Variants in ZNF534 observed in about 807,000 individuals in gnomAD.
The protein encoded by ZNF534 is KRAB domain only 3.
A neutral mutation model predicts 13.6 loss-of-function variants in ZNF534; 19 were observed. The ratio of observed to expected loss-of-function variants is 1.40; its 90% CI spans 0.97 to 2.05. The LOEUF is 2.05. Among genes scored for constraint, ZNF534 ranks in the 30% most tolerant of loss-of-function variants. ZNF534 has a pLI of 0.00. For synonymous variants in ZNF534, 244 were observed against 273.8 expected (o/e 0.89, Z 1.07); for missense variants, 782 against 796.3 (o/e 0.98, Z 0.22).
intron 4 of ZNF534, among the ~76,000 whole-genome samples, chr19:52,435,686 G>A (rs1049601934): frequency 6.6e-6 from 1 of 151,754 alleles, no homozygotes; most frequent in African/African-American, 2.4e-5. Flanking sequence ...TGTATTTTTA[G>A]TAGAGATGGA....
In ZNF534 at chr19:52,450,680, T is replaced by G. The variant is rs529559581; in HGVS notation, c.272-507T>G. Among the ~76,000 whole-genome samples the G allele has an allele frequency of 1.5e-3, 49 of 32,442 alleles. 1 individual carries two copies. Among genetic ancestry groups the G allele is most frequent in the South Asian group, 7.6e-3 (10 of 1,324 alleles). 21.3% of individuals were successfully genotyped at this position (32,442 alleles called of 152,430 possible). On this transcript the variant is annotated intron_variant, in intron 4 of 4. Coordinates refer to the ZNF534 transcript ENST00000301085. ...CTATGAATTTTAGGAGTTTTTTTTT[T>G]TTTTGTTTTTGTTTTTGTTTTTTTT... is the stretch of plus-strand genomic sequence containing the variant.
chr19:52,443,467 G>A (rs1412910244), downstream of ZNF534, among the ~76,000 whole-genome samples: 1 of 151,988 alleles, frequency 6.6e-6, no homozygotes, highest in Admixed American at 6.6e-5. Flanking sequence ...TTTTTTCTTT[G>A]TCTTTGTTGG....
At chr19:52,437,109 A>G (rs918653448) in intron 4 of ZNF534, among the ~76,000 whole-genome samples, 1 of 152,116 alleles carries the variant, frequency 6.6e-6, no homozygotes, top group African/African-American at 2.4e-5. Context: ...TGAAAGTACT[A>G]TTACAAATAT....
downstream of ZNF534, among the ~76,000 whole-genome samples, chr19:52,443,225 G>C (rs191507891): frequency 8.7e-4 from 133 of 152,270 alleles, 1 homozygote; most frequent in African/African-American, 3.2e-3. Context: ...CCTGATGACA[G>C]TGTGCCTAGG....
chr19:52,434,608 G>A (rs774674660), intron 3 of ZNF534, among the ~76,000 whole-genome samples: 5 of 151,596 alleles, frequency 3.3e-5, no homozygotes, highest in Non-Finnish European at 4.4e-5. Flanking sequence ...GTACATGCCT[G>A]TAGTCCCAGC....
chr19:52,449,976 G>A (rs111411305), intron 4 of ZNF534, among the ~76,000 whole-genome samples: 4,854 of 152,080 alleles, frequency 0.032, 270 homozygotes, highest in African/African-American at 0.11. Flanking sequence ...AGCCAAGATC[G>A]CACCACTGCA....
chr19:52,433,753 T>C (rs1047767179), intron 2 of ZNF534: 1 of 655,372 alleles, frequency 1.5e-6, no homozygotes, highest in Non-Finnish European at 2.8e-6. Context: ...ACATCTACTC[T>C]GATTTAAAGA....
intron 4 of ZNF534, among the ~76,000 whole-genome samples, chr19:52,436,423 G>C (rs1001827210): frequency 1.3e-5 from 2 of 152,108 alleles, no homozygotes; most frequent in Non-Finnish European, 1.5e-5. Flanking sequence ...TTATGTCCCT[G>C]TGTGAATGTC....
At chr19:52,431,348 G>T in intron 1 of ZNF534, 60 bp from the exon 2 acceptor site, 4 of 1,266,706 alleles carry the variant, frequency 3.2e-6, no homozygotes, top group Admixed American at 4.0e-5. Context: ...TTGTGTGGCT[G>T]TGGCACAGGA....
chr19:52,451,158 C>G (rs2122734038), intron 4 of ZNF534: 2 of 638,486 alleles, frequency 3.1e-6, no homozygotes, highest in Non-Finnish European at 5.7e-6. Flanking sequence ...CCACTTCTTT[C>G]ATCACTGTTT....
At position 52,429,884 on chromosome 19, in the gene ZNF534, C is replaced by T. The variant is rs576692517; in HGVS notation, c.-68+640C>T. ...TGCTGGGATTACAGGCATGAGCCAC[C>T]GTACTTGGCCAATAGTCTTTTGGAT... On this transcript the variant is annotated intron_variant, in intron 1 of 4. Transcript: ENST00000433050. 3.3e-4 allele frequency among the ~76,000 whole-genome samples: 50 copies of T among 150,772 alleles called. No individual in the cohort carries two copies. In the South Asian group the frequency reaches 4.6e-3, roughly 14 times the overall value.
chr19:52,431,320 A>G lies in ZNF534; in HGVS notation c.-67-88A>G, dbSNP rs775455932. 4.2e-6 allele frequency: 4 copies of G among 958,802 alleles called. No homozygotes were observed. In the African/African-American group the frequency reaches 5.0e-5, roughly 12 times the overall value. The allele number at this position is 958,802 out of a possible 1,614,324, so 59.4% of individuals were successfully genotyped here. A position where few individuals can be genotyped will look rare whatever the true frequency, so the allele number is the denominator to read the frequency against. On this transcript the variant is annotated intron_variant, in intron 1 of 4. Coordinates refer to ENST00000433050, the MANE Select transcript of ZNF534 (RefSeq NM_001143938.3). Reference sequence around the variant, plus strand: ...GGCAGCAGAGGACCATCCTTCCAGAAGGTGAAGTCTTCCCTTTTTGTGTGG... The same window carrying G: ...GGCAGCAGAGGACCATCCTTCCAGAGGGTGAAGTCTTCCCTTTTTGTGTGG...
chr19:52,438,666 A>C lies in ZNF534; in HGVS notation c.1206A>C (p.Lys402Asn). Residue 402 changes from lysine to asparagine, a missense_variant, in exon 5 of 5, where the codon AAA becomes AAC. Around this residue, in one of 5 missense-constraint regions of ZNF534, gnomAD observed 591 missense variants for 574.0 expected, o/e 1.03. Coordinates refer to ENST00000433050, the MANE Select transcript of ZNF534 (RefSeq NM_001143938.3). ...ATTCACGCCTTGCACGACATAGGAA[A>C]ATTCATACTGGGGGGAGGCGTTACA... Reference protein sequence around the residue: ...IGNSRLARHRKIHTGGRRYKC... With the variant: ...IGNSRLARHRNIHTGGRRYKC... The C allele has an allele frequency of 6.3e-7, 1 of 1,581,314 alleles. No homozygotes were observed.
chr19:52,430,302 C>T (rs2059078838), intron 1 of ZNF534, among the ~76,000 whole-genome samples: 1 of 152,088 alleles, frequency 6.6e-6, no homozygotes, highest in East Asian at 1.9e-4. Flanking sequence ...AGGCGTGAGC[C>T]ACTGCGCCCG....
chr19:52,451,921 T>G, exon 5 of ZNF534: 1 of 491,380 alleles, frequency 2.0e-6, no homozygotes, highest in Non-Finnish European at 3.9e-6. Flanking sequence ...TCAGGAGGTT[T>G]TGGCTCTACC....
chr19:52,451,329 T>G, exon 5 of ZNF534: 1 of 1,129,558 alleles, frequency 8.9e-7, no homozygotes, highest in East Asian at 2.5e-5. Context: ...TACCATTTCC[T>G]TCCGTTTCTG....
At position 52,438,198 on chromosome 19, in the gene ZNF534, A is replaced by G; in HGVS notation, c.738A>G (p.Glu246=). The G allele has an allele frequency of 6.2e-7, 1 of 1,614,132 alleles. No homozygotes were observed. Among genetic ancestry groups the G allele is most frequent in the Non-Finnish European group, 8.5e-7 (1 of 1,180,000 alleles). ...GAGAGAAGCCTTACAAATATAATGAATGTGGCAAAGTCTTCAATCAGAATT... is the reference window on the plus strand; with the variant it reads ...GAGAGAAGCCTTACAAATATAATGAGTGTGGCAAAGTCTTCAATCAGAATT... ...HTGEKPYKYN[E]CGKVFNQNSH... Residue 246 remains glutamate (E), a synonymous_variant, in exon 5 of 5, where the codon GAA becomes GAG. Transcript: ENST00000433050.
intron 2 of ZNF534, among the ~76,000 whole-genome samples, chr19:52,432,725 T>A (rs111713712): frequency 7.2e-5 from 11 of 151,834 alleles, no homozygotes; most frequent in African/African-American, 2.7e-4. Flanking sequence ...CTCTGCCTCC[T>A]GGCTTCAAGC....
chr19:52,435,044 G>A, intron 3 of ZNF534, 37 bp from the exon 4 acceptor site: 1 of 1,596,102 alleles, frequency 6.3e-7, no homozygotes, highest in Non-Finnish European at 8.5e-7. Flanking sequence ...CTTTGGAGAT[G>A]CCACAGCACA....
Sources: gnomAD v4.1 joint callset for allele counts (sites outside exome capture counted in the v4.1 genomes callset) on GRCh38, gnomAD v4.1.1 for gene constraint, gnomAD v4.1.1 regional missense constraint, MANE v1.5 for transcripts, NCBI Gene and HGNC (gene_info 2026-07-23, HGNC 2026-07-21) for gene names.